Variants in ZNF827 observed in about 807,000 individuals in gnomAD.
ZNF827 encodes zinc finger protein 827.
In ZNF827, 13 loss-of-function variants were observed where a neutral mutation model predicts 102.4. The observed-to-expected ratio is 0.13, with a 90% CI of 0.08 to 0.20. The LOEUF (loss-of-function observed/expected upper bound fraction) is 0.20, where lower values mean the gene tolerates loss of function less well. Among genes scored for constraint, ZNF827 ranks in the 10% least tolerant of loss-of-function variants. The pLI, the probability that ZNF827 is intolerant of heterozygous loss-of-function variation, is 1.00. For missense variants in ZNF827, 1,103 were observed against 1,344.4 expected, an observed-to-expected ratio of 0.82 and a Z score of 2.81; for synonymous variants, 523 against 536.2, an observed-to-expected ratio of 0.98 and a Z score of 0.34.
At position 145,907,445 on chromosome 4, in the gene ZNF827, A is replaced by G. The variant is rs1751958693; in HGVS notation, c.44-4230T>C. ...CTAGAAGATGAATTTGCTGGACACA[A>G]CAAACTTTAGAACATGCAAGCCTTG... On this transcript the variant is annotated intron_variant, in intron 1 of 14. Transcript: ENST00000508784. Among the ~76,000 whole-genome samples, 4 of 152,324 alleles carry G rather than the reference A, an allele frequency of 2.6e-5. No individual in the cohort carries two copies. The South Asian group carries it at 8.3e-4, about 32-fold the overall frequency.
At chr4:145,771,709 C>T (rs1034153632) in intron 11 of ZNF827, among the ~76,000 whole-genome samples, 3 of 152,196 alleles carry the variant, frequency 2.0e-5, no homozygotes, top group African/African-American at 7.2e-5. Flanking sequence ...TGGAGTAACA[C>T]CAACCCATAA....
At chr4:145,923,806 C>A (rs1389286585) in intron 1 of ZNF827, among the ~76,000 whole-genome samples, 1 of 152,040 alleles carries the variant, frequency 6.6e-6, no homozygotes, top group Non-Finnish European at 1.5e-5. Flanking sequence ...ATTTAATTTG[C>A]CAGTTTTAAT....
chr4:145,815,492 C>T (rs186951122), intron 8 of ZNF827, among the ~76,000 whole-genome samples: 122 of 152,162 alleles, frequency 8.0e-4, no homozygotes, highest in Admixed American at 1.8e-3. Context: ...CAGAGAGGCA[C>T]TCATTTGGCC....
At chr4:145,863,933 C>T (rs779920433) in intron 5 of ZNF827, among the ~76,000 whole-genome samples, 4 of 152,070 alleles carry the variant, frequency 2.6e-5, no homozygotes, top group Non-Finnish European at 4.4e-5. Flanking sequence ...GTGGCTCACC[C>T]CTGTAATCCT....
chr4:145,807,785 A>C lies in ZNF827; in HGVS notation c.2383+15637T>G, dbSNP rs563739460. ...GTGCCAGGCTGCTTTAAAAAAAAAA[A>C]ACAAAAAACAAAAACAAAAAAAAAA... On this transcript the variant is annotated intron_variant, in intron 8 of 14. Transcript: ENST00000508784. Among the ~76,000 whole-genome samples the C allele has an allele frequency of 1.6e-3, 248 of 150,476 alleles. 1 individual carries two copies. The highest frequency in any genetic ancestry group is 2.8e-3 in the Non-Finnish European group (193 of 67,834).
At chr4:145,905,445 G>A (rs990455920) in intron 1 of ZNF827, among the ~76,000 whole-genome samples, 5 of 152,192 alleles carry the variant, frequency 3.3e-5, no homozygotes, top group African/African-American at 1.2e-4. Context: ...TCAAGAAAAT[G>A]TAAAATATCA....
chr4:145,858,541 C>A (rs1282807372), intron 5 of ZNF827, among the ~76,000 whole-genome samples: 1 of 150,394 alleles, frequency 6.6e-6, no homozygotes, highest in South Asian at 2.1e-4. Flanking sequence ...ACTTGGGAGG[C>A]TGAGGTGGGA....
chr4:145,851,518 A>AC (rs1442136098), intron 5 of ZNF827, among the ~76,000 whole-genome samples: 1 of 152,238 alleles, frequency 6.6e-6, no homozygotes, highest in Non-Finnish European at 1.5e-5. Flanking sequence ...GTTAAAAAAA[A>AC]GAAGAGCATT....
intron 8 of ZNF827, among the ~76,000 whole-genome samples, chr4:145,801,803 A>C (rs1357323976): frequency 1.3e-5 from 2 of 152,172 alleles, no homozygotes; most frequent in Non-Finnish European, 2.9e-5. Context: ...GAGTGGGTGG[A>C]ATCCAAGACA....
chr4:145,818,425 A>G (rs913905375), intron 8 of ZNF827, among the ~76,000 whole-genome samples: 4 of 152,272 alleles, frequency 2.6e-5, no homozygotes, highest in Non-Finnish European at 4.4e-5. Flanking sequence ...ATTAAAAATG[A>G]GATGACATAT....
intron 5 of ZNF827, among the ~76,000 whole-genome samples, chr4:145,866,812 T>C (rs1431649105): frequency 6.6e-6 from 1 of 152,224 alleles, no homozygotes; most frequent in African/African-American, 2.4e-5. Context: ...AGGGCATTTA[T>C]CTTCATCACT....
rs530013890 is a variant in ZNF827 at position 145,762,863 on chromosome 4, T to TG, written c.*17+226dup. 1.3e-5 allele frequency among the ~76,000 whole-genome samples: 2 copies of TG among 152,352 alleles called. No homozygotes were observed. Among genetic ancestry groups the TG allele is most frequent in the South Asian group, 4.1e-4 (2 of 4,828 alleles). ...ATGCAAAAGTGGCTGCCTCAGCTCT[T>TG]GCTTGGCTCCTGCAGGGCAGGGCTC... On this transcript the variant is annotated intron_variant, in intron 14 of 14. Coordinates refer to ENST00000508784, the MANE Select transcript of ZNF827 (RefSeq NM_001306215.2). The surrounding 1 kb of genome is among the most constrained non-coding windows in gnomAD (Gnocchi z 4.9).
chr4:145,831,703 CT>C, intron 7 of ZNF827: 1 of 152,140 alleles, frequency 6.6e-6, no homozygotes, highest in African/African-American at 2.4e-5. Flanking sequence ...GGAAAATCTC[CT>C]TACTTTTTAG....
chr4:145,789,128 C>T (rs576811215), intron 8 of ZNF827, among the ~76,000 whole-genome samples: 4 of 152,278 alleles, frequency 2.6e-5, no homozygotes, highest in East Asian at 1.9e-4. Flanking sequence ...CTTTCAATCA[C>T]GAAGATGAAA....
chr4:145,759,311 T>C lies in ZNF827; in HGVS notation c.*2305A>G, dbSNP rs368721383. Reference sequence around the variant, plus strand: ...TTTTTCTTTTTAAATCACCCATTACTTTTTAAGATTAGCAAAGAGCTTTAC... The same window carrying C: ...TTTTTCTTTTTAAATCACCCATTACCTTTTAAGATTAGCAAAGAGCTTTAC... On this transcript the variant is annotated 3_prime_UTR_variant, in exon 15 of 15. Coordinates refer to ENST00000508784, the MANE Select transcript of ZNF827 (RefSeq NM_001306215.2). The C allele has an allele frequency of 7.9e-5, 12 of 152,336 alleles. No homozygotes were observed. In the South Asian group the frequency reaches 1.2e-3, roughly 16 times the overall value. The allele number at this position is 152,336 out of a possible 1,614,324, so 9.4% of individuals were successfully genotyped here. A position where few individuals can be genotyped will look rare whatever the true frequency, so the allele number is the denominator to read the frequency against.
At chr4:145,897,399 T>C (rs1024469629) in intron 2 of ZNF827, among the ~76,000 whole-genome samples, 1 of 152,230 alleles carries the variant, frequency 6.6e-6, no homozygotes, top group Non-Finnish European at 1.5e-5. Context: ...GGGTGGTTTC[T>C]GCGTATATAC....
chr4:145,765,436 T>C lies in ZNF827; in HGVS notation c.3052+111A>G. ...TTTAGGTGAGGCCCAGCATACTGCA[T>C]CCTGGGCCTATTATCAGTTTTTGAC... On this transcript the variant is annotated intron_variant, in intron 12 of 14. Transcript: ENST00000508784. The surrounding 1 kb of genome is among the most constrained non-coding windows in gnomAD (Gnocchi z 4.7). 2 of 1,316,876 alleles carry C rather than the reference T, an allele frequency of 1.5e-6. No individual in the cohort carries two copies. Among genetic ancestry groups the C allele is most frequent in the Admixed American group, 5.2e-5 (2 of 38,318 alleles). The allele number at this position is 1,316,876 out of a possible 1,614,324, so 81.6% of individuals were successfully genotyped here.
intron 8 of ZNF827, among the ~76,000 whole-genome samples, chr4:145,804,899 T>C (rs964527402): frequency 6.6e-6 from 1 of 152,224 alleles, no homozygotes; most frequent in Non-Finnish European, 1.5e-5. Flanking sequence ...AAGTGACAGA[T>C]GTTACTGTCT....
chr4:145,823,380 A>C (rs369831337), intron 8 of ZNF827, 42 bp downstream of exon 8: 1 of 1,499,202 alleles, frequency 6.7e-7, no homozygotes, highest in Non-Finnish European at 9.3e-7. Flanking sequence ...AGTAATTCTT[A>C]AGCAATCAAC....
Sources: allele counts gnomAD v4.1 joint callset (sites outside exome capture counted in the v4.1 genomes callset), GRCh38; gene constraint gnomAD v4.1.1; non-coding constraint Gnocchi (gnomAD v3.1); transcripts MANE v1.5; gene names NCBI Gene and HGNC (gene_info 2026-07-23, HGNC 2026-07-21).